The following TOPAZ1 variants were observed in gnomAD, a reference collection of about 807,000 sequenced individuals.
TOPAZ1 encodes testis and ovary specific TOPAZ 1.
A neutral mutation model predicts 172.2 loss-of-function variants in TOPAZ1; 66 were observed. That is an observed-to-expected ratio of 0.38 (90% CI 0.31 to 0.47). TOPAZ1 has a LOEUF of 0.47. Among genes scored for constraint, TOPAZ1 ranks in the 20% least tolerant of loss-of-function variants. The probability of loss-of-function intolerance (pLI) is 0.99; values close to 1 mark genes in which losing one functional copy is unlikely to be tolerated. For synonymous variants in TOPAZ1, 681 were observed against 683.9 expected, an observed-to-expected ratio of 1.00 and a Z score of 0.07; for missense variants, 1,822 against 1,972.4, an observed-to-expected ratio of 0.92 and a Z score of 1.44.
intron 16 of TOPAZ1, 84 bp from the exon 17 acceptor site, chr3:44,320,943 G>C (rs1700500429): frequency 1.1e-6 from 1 of 901,414 alleles, no homozygotes; most frequent in South Asian, 1.8e-5. Flanking sequence ...TTCTTCAAAA[G>C]ATATATTGAA....
intron 9 of TOPAZ1, 151 bp from the exon 10 acceptor site, chr3:44,287,238 A>G (rs1389760514): frequency 7.0e-6 from 3 of 426,758 alleles, no homozygotes; most frequent in East Asian, 4.1e-5. Context: ...TTTAATTTTC[A>G]TCTACTCTTT....
chr3:44,324,063 G>T lies in TOPAZ1; in HGVS notation c.4675+768G>T, dbSNP rs368060215. ...CTAGCCACTACTACCTGAGCTGGAAGTGTTTTTCAGGTGGCCAGCTGTGAT... is the reference window on the plus strand; with the variant it reads ...CTAGCCACTACTACCTGAGCTGGAATTGTTTTTCAGGTGGCCAGCTGTGAT... On this transcript the variant is annotated intron_variant, in intron 18 of 19. Coordinates refer to ENST00000309765, the MANE Select transcript of TOPAZ1 (RefSeq NM_001145030.2). Among the ~76,000 whole-genome samples the T allele has an allele frequency of 2.6e-5, 4 of 152,326 alleles. No homozygotes were observed. In the East Asian group the frequency reaches 5.8e-4, roughly 22 times the overall value.
intron 16 of TOPAZ1, among the ~76,000 whole-genome samples, chr3:44,319,109 G>A (rs1575734618): frequency 6.6e-6 from 1 of 152,010 alleles, no homozygotes; most frequent in South Asian, 2.1e-4. Flanking sequence ...CCACGGCCAG[G>A]TGGCTCAATC....
Position 44,241,971 on chromosome 3 carries a change from C to G in TOPAZ1, c.-83C>G. 7.5e-7 allele frequency: 1 copy of G among 1,337,570 alleles called. No homozygotes were observed. Among genetic ancestry groups the G allele is most frequent in the Non-Finnish European group, 1.0e-6 (1 of 981,144 alleles). 82.9% of individuals were successfully genotyped at this position (1,337,570 alleles called of 1,614,324 possible). A position where few individuals can be genotyped will look rare whatever the true frequency, so the allele number is the denominator to read the frequency against. Reference sequence around the variant, plus strand: ...GGGTGGGTCAGAGGGCAGTAGGTACCTCCAGGCGGGAGCAGCGTTTGCACC... The same window carrying G: ...GGGTGGGTCAGAGGGCAGTAGGTACGTCCAGGCGGGAGCAGCGTTTGCACC... On this transcript the variant is annotated 5_prime_UTR_variant, in exon 1 of 20. Coordinates refer to ENST00000309765, the MANE Select transcript of TOPAZ1 (RefSeq NM_001145030.2).
At chr3:44,325,984 A>G (rs1291191566) in intron 18 of TOPAZ1, among the ~76,000 whole-genome samples, 1 of 152,140 alleles carries the variant, frequency 6.6e-6, no homozygotes, top group African/African-American at 2.4e-5. Flanking sequence ...TTCAAATTTC[A>G]GTGTTGTAGC....
chr3:44,265,486 G>T (rs1321623553), intron 5 of TOPAZ1, among the ~76,000 whole-genome samples: 1 of 152,140 alleles, frequency 6.6e-6, no homozygotes, highest in Non-Finnish European at 1.5e-5. Context: ...AACCCAGGAG[G>T]GGGAGGTTGT....
In TOPAZ1 at chr3:44,242,128, G is replaced by C; in HGVS notation, c.75G>C (p.Arg25=). 6 of 1,549,030 alleles carry C rather than the reference G, an allele frequency of 3.9e-6. No homozygotes were observed. Among genetic ancestry groups the C allele is most frequent in the Non-Finnish European group, 5.2e-6 (6 of 1,146,532 alleles). ...PEGNVRNLQK[R]QAPGPGAAGG... Reference sequence around the variant, plus strand: ...GCAATGTGCGAAACCTGCAGAAGCGGCAGGCGCCAGGGCCAGGCGCGGCGG... The same window carrying C: ...GCAATGTGCGAAACCTGCAGAAGCGCCAGGCGCCAGGGCCAGGCGCGGCGG... Residue 25 remains arginine (R), a synonymous_variant, in exon 1 of 20, where the codon CGG becomes CGC. Transcript: ENST00000309765.
chr3:44,278,316 G>T (rs145855172), intron 8 of TOPAZ1, among the ~76,000 whole-genome samples: 3 of 152,112 alleles, frequency 2.0e-5, no homozygotes, highest in African/African-American at 7.2e-5. Flanking sequence ...GAGTTTATCA[G>T]GGGTATTGAC....
In TOPAZ1 at chr3:44,244,696, G is replaced by A; in HGVS notation, c.2190G>A (p.Arg730=). The A allele has an allele frequency of 6.4e-7, 1 of 1,551,382 alleles. No homozygotes were observed. The highest frequency in any genetic ancestry group is 2.4e-5 in the East Asian group (1 of 40,910). Reference sequence around the variant, plus strand: ...CTGGAGCAGACGTAAGACAGAACAGGAGTAAAGAAAATGTCTCCATGATGA... The same window carrying A: ...CTGGAGCAGACGTAAGACAGAACAGAAGTAAAGAAAATGTCTCCATGATGA... ...NLSGADVRQN[R]SKENVSMMML... is the part of the protein sequence containing the mutation. The change falls in exon 2 of 20, where the codon AGG becomes AGA. Residue 730 remains arginine (R), a synonymous_variant. Transcript: ENST00000309765.
chr3:44,324,298 T>C (rs945816432), intron 18 of TOPAZ1, among the ~76,000 whole-genome samples: 2 of 152,140 alleles, frequency 1.3e-5, no homozygotes, highest in Non-Finnish European at 2.9e-5. Context: ...AAAAGGGTGA[T>C]CAGAAATTTA....
intron 5 of TOPAZ1, among the ~76,000 whole-genome samples, chr3:44,263,172 T>TCAA (rs1699793570): frequency 6.6e-6 from 1 of 152,194 alleles, no homozygotes; most frequent in Non-Finnish European, 1.5e-5. Flanking sequence ...GTTTGAGAAC[T>TCAA]GTGTTAAGGG....
At chr3:44,312,731 T>C (rs963185975) in intron 16 of TOPAZ1, among the ~76,000 whole-genome samples, 1 of 152,254 alleles carries the variant, frequency 6.6e-6, no homozygotes, top group Non-Finnish European at 1.5e-5. Flanking sequence ...GTTTTAAGAC[T>C]ATCATTTTAT....
At position 44,288,331 on chromosome 3, in the gene TOPAZ1, T is replaced by C. The variant is rs533604712; in HGVS notation, c.3681+492T>C. 5.3e-5 allele frequency among the ~76,000 whole-genome samples: 8 copies of C among 152,138 alleles called. No homozygotes were observed. The East Asian group carries it at 1.5e-3, about 29-fold the overall frequency. On this transcript the variant is annotated intron_variant, in intron 11 of 19. Transcript: ENST00000309765. ...GCAGAAGAACAGATATGTGAGTGAA[T>C]ACCTCAGATTTCACATTACAAAACT... is the stretch of plus-strand genomic sequence containing the variant.
chr3:44,257,352 G>GGGGGGTGTGTGTGT (rs1264696203), intron 4 of TOPAZ1, among the ~76,000 whole-genome samples: 1 of 110,386 alleles, frequency 9.1e-6, no homozygotes, highest in African/African-American at 3.9e-5. Context: ...AAAACATAGG[G>GGGGGGTGTGTGTGT]GTGTGTGTGT....
At chr3:44,315,160 A>T (rs563579432) in intron 16 of TOPAZ1, among the ~76,000 whole-genome samples, 109 of 141,588 alleles carry the variant, frequency 7.7e-4, no homozygotes, top group African/African-American at 2.7e-3. Context: ...ATGTATCTTT[A>T]TACCTTCCAA....
intron 9 of TOPAZ1, among the ~76,000 whole-genome samples, chr3:44,285,621 G>A (rs965159315): frequency 6.6e-6 from 1 of 151,928 alleles, no homozygotes; most frequent in Non-Finnish European, 1.5e-5. Flanking sequence ...CCAGGCTGGA[G>A]TGCAGTCGCA....
chr3:44,297,169 CAA>C (rs35773194), intron 12 of TOPAZ1, among the ~76,000 whole-genome samples: 1 of 135,542 alleles, frequency 7.4e-6, no homozygotes. Context: ...AAGTCTGTCT[CAA>C]AAAAAAAAAA....
At chr3:44,330,522 C>G (rs192998994) in intron 19 of TOPAZ1, among the ~76,000 whole-genome samples, 1 of 152,356 alleles carries the variant, frequency 6.6e-6, no homozygotes, top group Admixed American at 6.5e-5. Context: ...ATCTGCACCA[C>G]CTACCAGATT....
chr3:44,290,685 A>C, intron 11 of TOPAZ1, 86 bp from the exon 12 acceptor site: 1 of 739,000 alleles, frequency 1.4e-6, no homozygotes, highest in Non-Finnish European at 2.2e-6. Flanking sequence ...TTCTTCCATT[A>C]GTGTCTTAGT....
Sources: gnomAD v4.1 joint callset for allele counts (sites outside exome capture counted in the v4.1 genomes callset) on GRCh38, gnomAD v4.1.1 for gene constraint, MANE v1.5 for transcripts, NCBI Gene and HGNC (gene_info 2026-07-23, HGNC 2026-07-21) for gene names.